The following GPT2 variants were observed in gnomAD, a reference collection of about 807,000 sequenced individuals.
GPT2 encodes the protein alanine aminotransferase 2.
In GPT2, 30 loss-of-function variants were observed where a neutral mutation model predicts 56.9. That is an observed-to-expected ratio of 0.53 (90% CI 0.39 to 0.72). The LOEUF (loss-of-function observed/expected upper bound fraction) is 0.72. Ranked by LOEUF, GPT2 falls within the 30% of genes least tolerant of loss-of-function variation. The probability of loss-of-function intolerance (pLI) is 0.00; values close to 1 mark genes in which losing one functional copy is unlikely to be tolerated. For missense variants in GPT2, 542 were observed against 703.4 expected, an observed-to-expected ratio of 0.77 and a Z score of 2.60; for synonymous variants, 271 against 283.1, an observed-to-expected ratio of 0.96 and a Z score of 0.43.
chr16:46,905,150 G>A (rs868557900), intron 4 of GPT2, among the ~76,000 whole-genome samples: 14 of 151,670 alleles, frequency 9.2e-5, no homozygotes, highest in African/African-American at 3.2e-4. Context: ...TCCACCTCCC[G>A]GGTTCAAGTG....
intron 4 of GPT2, among the ~76,000 whole-genome samples, chr16:46,903,902 G>A (rs1260730836): frequency 1.3e-5 from 2 of 152,216 alleles, no homozygotes; most frequent in African/African-American, 4.8e-5. Context: ...AGAGCTGCAG[G>A]ATTATAACGA....
At position 46,884,829 on chromosome 16, in the gene GPT2, G is replaced by A. The variant is rs748586059; in HGVS notation, c.114G>A (p.Arg38=). ...AGGCCTCGGCGGTGCTCAAGGTGCG[G>A]CCCGAGCGCAGCCGGCGCGAGCGCA... ...AAEASAVLKV[R]PERSRRERIL... The change falls in exon 2 of 12, where the codon CGG becomes CGA. Residue 38 remains arginine (R), a synonymous_variant. Transcript: ENST00000340124. 1.3e-6 allele frequency: 2 copies of A among 1,539,902 alleles called. No individual in the cohort carries two copies. Among genetic ancestry groups the A allele is most frequent in the Non-Finnish European group, 1.7e-6 (2 of 1,143,340 alleles).
In GPT2 at chr16:46,885,108, C is replaced by T. The variant is rs1440361758; in HGVS notation, c.243+150C>T. The T allele has an allele frequency of 2.2e-6, 3 of 1,351,018 alleles. No individual in the cohort carries two copies. The African/African-American group carries it at 4.6e-5, about 21-fold the overall frequency. The allele number at this position is 1,351,018 out of a possible 1,614,324, so 83.7% of individuals were successfully genotyped here. On this transcript the variant is annotated intron_variant, in intron 2 of 11. Transcript: ENST00000340124. ...GGCTAAAACGAGAGAATGCCCCCTC[C>T]CGCCCGTTCACTTACTGGTGCCCAG... is the stretch of plus-strand genomic sequence containing the variant.
Position 46,896,492 on chromosome 16 carries a change from T to A in GPT2, c.244-1156T>A, listed in dbSNP as rs147329134. Among the ~76,000 whole-genome samples the A allele has an allele frequency of 1.3e-3, 194 of 152,298 alleles. 1 individual carries two copies. The highest frequency in any genetic ancestry group is 4.5e-3 in the African/African-American group (187 of 41,562). ...TGTGAAAATCAGCCCAGATTTTTCA[T>A]TCTGCAAAGAATGGGTTGCAAGAAA... On this transcript the variant is annotated intron_variant, in intron 2 of 11. Transcript: ENST00000340124.
At chr16:46,923,385 G>A (rs879439735) in intron 9 of GPT2, among the ~76,000 whole-genome samples, 6 of 152,250 alleles carry the variant, frequency 3.9e-5, no homozygotes, top group Non-Finnish European at 8.8e-5. Flanking sequence ...TTGAACCCAG[G>A]AGGCGGAGGT....
At chr16:46,907,015 C>T (rs2143457160) in intron 5 of GPT2, 40 bp downstream of exon 5, 1 of 1,612,022 alleles carries the variant, frequency 6.2e-7, no homozygotes, top group Non-Finnish European at 8.5e-7. Context: ...GGTGTTTACC[C>T]ACATGAAGAG....
At chr16:46,917,254 G>T (rs563280486) in intron 7 of GPT2, among the ~76,000 whole-genome samples, 1 of 152,126 alleles carries the variant, frequency 6.6e-6, no homozygotes, top group Non-Finnish European at 1.5e-5. Flanking sequence ...CATAGGGTGG[G>T]CCCTCTGCTT....
At chr16:46,892,026 C>A (rs955155168) in intron 2 of GPT2, among the ~76,000 whole-genome samples, 2 of 151,912 alleles carry the variant, frequency 1.3e-5, no homozygotes, top group African/African-American at 4.8e-5. Context: ...CAAAATGTGT[C>A]ATCTTACAAC....
chr16:46,890,848 GT>G lies in GPT2; in HGVS notation c.243+5896del, dbSNP rs1351417262. On this transcript the variant is annotated intron_variant, in intron 2 of 11. Transcript: ENST00000340124. Reference sequence around the variant, plus strand: ...AGCAAATTTCAAGTAAAAAATACAGGTTTTTTGTTTTGGCTTTTTTTGTTGT... The same window carrying G: ...AGCAAATTTCAAGTAAAAAATACAGGTTTTTGTTTTGGCTTTTTTTGTTGT... Among the ~76,000 whole-genome samples, 5 of 152,100 alleles carry G rather than the reference GT, an allele frequency of 3.3e-5. No individual in the cohort carries two copies. In the East Asian group the frequency reaches 5.8e-4, roughly 18 times the overall value.
At chr16:46,893,862 C>G (rs898271843) in intron 2 of GPT2, among the ~76,000 whole-genome samples, 2 of 152,164 alleles carry the variant, frequency 1.3e-5, no homozygotes, top group Non-Finnish European at 2.9e-5. Flanking sequence ...TCCCTCTGAG[C>G]TGGCAGGGCC....
intron 5 of GPT2, 50 bp from the exon 6 acceptor site, chr16:46,909,634 C>G (rs961776948): frequency 6.3e-7 from 1 of 1,589,372 alleles, no homozygotes; most frequent in Non-Finnish European, 8.6e-7. Context: ...AAGGCTAGGT[C>G]AGGGATGGGA....
chr16:46,886,409 C>T (rs1014427410), intron 2 of GPT2, among the ~76,000 whole-genome samples: 3 of 152,246 alleles, frequency 2.0e-5, no homozygotes, highest in Non-Finnish European at 4.4e-5. Flanking sequence ...CCTGTGCTGG[C>T]TCCATGAGGC....
At chr16:46,903,006 T>C (rs911274686) in intron 4 of GPT2, among the ~76,000 whole-genome samples, 6 of 152,040 alleles carry the variant, frequency 3.9e-5, no homozygotes, top group Non-Finnish European at 1.5e-5. Context: ...CCCAGTACTT[T>C]GGGAGGCCAA....
intron 8 of GPT2, among the ~76,000 whole-genome samples, chr16:46,919,250 G>A (rs1961233214): frequency 6.6e-6 from 1 of 152,246 alleles, no homozygotes; most frequent in South Asian, 2.1e-4. Flanking sequence ...TCTCAGCACC[G>A]CGGATGCCGC....
rs1373157797 is a variant in GPT2, at chr16:46,901,951, T to TC, written c.442+1167dup. On this transcript the variant is annotated intron_variant, in intron 4 of 11. Transcript: ENST00000340124. ...CAGAGGCCCGGCTTCCGGGCTCCTT[T>TC]CCCCCCTGCACCCTCTGCCTGGCCC... is the stretch of plus-strand genomic sequence containing the variant. Among the ~76,000 whole-genome samples, 4 of 152,118 alleles carry TC rather than the reference T, an allele frequency of 2.6e-5. No homozygotes were observed. In the East Asian group the frequency reaches 7.7e-4, roughly 29 times the overall value.
chr16:46,885,561 T>C (rs546532054), intron 2 of GPT2: 18 of 985,054 alleles, frequency 1.8e-5, no homozygotes, highest in Middle Eastern at 5.2e-4. Context: ...TTCTGTGGTC[T>C]GGGGACAGTC....
chr16:46,899,050 G>C (rs1328997879), intron 3 of GPT2, among the ~76,000 whole-genome samples: 1 of 124,436 alleles, frequency 8.0e-6, no homozygotes, highest in Non-Finnish European at 1.6e-5. Context: ...TTTTTTTTTA[G>C]AGACAGAGTC....
intron 4 of GPT2, among the ~76,000 whole-genome samples, chr16:46,905,206 GC>G (rs2143445534): frequency 6.6e-6 from 1 of 152,218 alleles, no homozygotes; most frequent in African/African-American, 2.4e-5. Flanking sequence ...ACAGGCACCT[GC>G]CACCATACCT....
chr16:46,905,644 T>C (rs544730561), intron 4 of GPT2, among the ~76,000 whole-genome samples: 8 of 152,342 alleles, frequency 5.3e-5, no homozygotes, highest in African/African-American at 1.9e-4. Context: ...ATCTTGCACC[T>C]GTACAAATAC....
Sources: allele counts gnomAD v4.1 joint callset (sites outside exome capture counted in the v4.1 genomes callset), GRCh38; gene constraint gnomAD v4.1.1; transcripts MANE v1.5; gene names NCBI Gene and HGNC (gene_info 2026-07-23, HGNC 2026-07-21).